PTCRA: variants seen among roughly 807,000 people sequenced by gnomAD.
The protein encoded by PTCRA is pre T cell antigen receptor alpha, also known as pre T-cell antigen receptor alpha.
PTCRA carries 9 observed loss-of-function variants against 13.4 expected under a neutral mutation model. That is an observed-to-expected ratio of 0.67 (90% CI 0.41 to 1.18). The LOEUF (loss-of-function observed/expected upper bound fraction) is 1.18. Ranked by LOEUF, PTCRA falls within the 50% of genes most tolerant of loss-of-function variation. The pLI, the probability that PTCRA is intolerant of heterozygous loss-of-function variation, is 0.01. For synonymous variants in PTCRA, 153 were observed against 161.9 expected (o/e 0.94, Z 0.42); for missense variants, 353 against 359.8 (o/e 0.98, Z 0.15).
In PTCRA at chr6:42,925,214, A is replaced by T; in HGVS notation, c.425-47A>T. ...CCTCTCCGCCGTTCTCTCCTGGGGT[A>T]GGGGGCTGCGGGCTCCTGCGGGCTC... On this transcript the variant is annotated intron_variant, in intron 3 of 3. Coordinates refer to ENST00000304672, the MANE Select transcript of PTCRA (RefSeq NM_138296.3). The surrounding 1 kb of genome is among the most constrained non-coding windows in gnomAD (Gnocchi z 4.4). The T allele has an allele frequency of 2.6e-6, 4 of 1,544,622 alleles. No individual in the cohort carries two copies. Among genetic ancestry groups the T allele is most frequent in the Non-Finnish European group, 3.5e-6 (4 of 1,151,512 alleles).
intron 2 of PTCRA, among the ~76,000 whole-genome samples, chr6:42,923,851 T>C (rs1402363396): frequency 6.6e-6 from 1 of 152,354 alleles, no homozygotes; most frequent in African/African-American, 2.4e-5. Flanking sequence ...AGTCAGCTAT[T>C]ATTATCACTG....
chr6:42,923,394 A>T, intron 2 of PTCRA, 47 bp downstream of exon 2: 1 of 1,559,086 alleles, frequency 6.4e-7, no homozygotes, highest in Non-Finnish European at 8.8e-7. Context: ...GTCCCCTTCC[A>T]CACACCAGGA....
In PTCRA at chr6:42,925,372, T is replaced by TGCCTTCCCCCGCAACCACCACCCGCC; in HGVS notation, c.537_562dup (p.Leu188ArgfsTer116). 6.4e-7 allele frequency: 1 copy of TGCCTTCCCCCGCAACCACCACCCGCC among 1,556,148 alleles called. No individual in the cohort carries two copies. On this transcript the variant is annotated frameshift_variant, in exon 4 of 4. Transcript: ENST00000304672. LOFTEE classifies it low-confidence loss of function (END_TRUNC). This position sits in a 1 kb window ranked among gnomAD's most constrained non-coding sequence, Gnocchi z 4.4. ...TGCCTGTGCGACCCCGCGGGCCCGC[T>TGCCTTCCCCCGCAACCACCACCCGCC]GCCTTCCCCCGCAACCACCACCCGC... is the stretch of plus-strand genomic sequence containing the variant.
intron 1 of PTCRA, among the ~76,000 whole-genome samples, 166 bp from the exon 2 acceptor site, chr6:42,922,861 G>T (rs1767252786): frequency 6.6e-6 from 1 of 152,132 alleles, no homozygotes; most frequent in Non-Finnish European, 1.5e-5. Flanking sequence ...TGGCTAGATG[G>T]GAAAATGCAA....
chr6:42,917,801 C>G (rs1167432271), intron 1 of PTCRA, among the ~76,000 whole-genome samples: 1 of 151,624 alleles, frequency 6.6e-6, no homozygotes, highest in Non-Finnish European at 1.5e-5. Flanking sequence ...TCACCTGACT[C>G]AGCCTCCCAA....
At chr6:42,917,751 C>T (rs1267864327) in intron 1 of PTCRA, among the ~76,000 whole-genome samples, 7 of 143,534 alleles carry the variant, frequency 4.9e-5, no homozygotes, top group African/African-American at 7.8e-5. Flanking sequence ...GGGTTCACCA[C>T]GTTGGCCAGG....
Position 42,925,565 on chromosome 6 carries a change from C to A in PTCRA, c.729C>A (p.Tyr243Ter), listed in dbSNP as rs1490546837. Residue 243 changes from tyrosine (Y) to a stop codon, truncating the protein, a stop_gained, in exon 4 of 4, where the codon TAC becomes TAA. Coordinates refer to ENST00000304672, the MANE Select transcript of PTCRA (RefSeq NM_138296.3). LOFTEE classifies it low-confidence loss of function (END_TRUNC). This position sits in a 1 kb window ranked among gnomAD's most constrained non-coding sequence, Gnocchi z 4.4. ...VWGEGSYLSS[Y>*]PTCPAQAWCS... ...GGGAAGGGTCTTACCTCAGCAGTTA[C>A]CCCACTTGCCCAGCACAGGCCTGGT... is the stretch of plus-strand genomic sequence containing the variant. 4.4e-6 allele frequency: 7 copies of A among 1,599,832 alleles called. No individual in the cohort carries two copies. The highest frequency in any genetic ancestry group is 6.0e-6 in the Non-Finnish European group (7 of 1,172,524).
intron 1 of PTCRA, among the ~76,000 whole-genome samples, chr6:42,917,186 C>T (rs989927046): frequency 2.2e-5 from 3 of 134,186 alleles, no homozygotes; most frequent in Non-Finnish European, 4.7e-5. Flanking sequence ...TTATTAACAG[C>T]ATTATATTAT....
At chr6:42,920,627 G>T (rs1014624837) in intron 1 of PTCRA, among the ~76,000 whole-genome samples, 1 of 151,558 alleles carries the variant, frequency 6.6e-6, no homozygotes, top group Non-Finnish European at 1.5e-5. Flanking sequence ...GGGTTTCACC[G>T]TGTTAGCCAG....
chr6:42,918,255 CA>C lies in PTCRA; in HGVS notation c.58+2141del, dbSNP rs74187597. Among the ~76,000 whole-genome samples, 933 of 123,640 alleles carry C rather than the reference CA, an allele frequency of 7.5e-3. 5 individuals carry two copies. The highest frequency in any genetic ancestry group is 0.021 in the African/African-American group (712 of 33,520). The allele number at this position is 123,640 out of a possible 152,430, so 81.1% of individuals were successfully genotyped here. On this transcript the variant is annotated intron_variant, in intron 1 of 3. Transcript: ENST00000304672. The stretch of plus-strand genomic sequence containing the variant: ...TAGGCGACAGAACCAGAATCAGTCT[CA>C]AAAAAAAAAAAAGCCAGGCATGGGG...
chr6:42,919,075 C>T (rs192846837), intron 1 of PTCRA, among the ~76,000 whole-genome samples: 133 of 149,834 alleles, frequency 8.9e-4, no homozygotes, highest in African/African-American at 2.9e-3. Flanking sequence ...GACAGAGTCC[C>T]GCTCTGTCGC....
chr6:42,923,442 C>T (rs1368608362), intron 2 of PTCRA, 95 bp downstream of exon 2: 2 of 1,234,958 alleles, frequency 1.6e-6, no homozygotes, highest in Non-Finnish European at 2.3e-6. Context: ...GCCACAAAGG[C>T]ATGAAGGGTG....
At chr6:42,924,049 T>C (rs1300215850) in intron 2 of PTCRA, among the ~76,000 whole-genome samples, 180 bp from the exon 3 acceptor site, 1 of 152,190 alleles carries the variant, frequency 6.6e-6, no homozygotes, top group Non-Finnish European at 1.5e-5. Flanking sequence ...TGAGGGATGT[T>C]TGGGTCTTCA....
rs1003893501 is a variant in PTCRA, at chr6:42,925,155, G to A, written c.425-106G>A. On this transcript the variant is annotated intron_variant, in intron 3 of 3. Transcript: ENST00000304672. The surrounding 1 kb of genome is among the most constrained non-coding windows in gnomAD (Gnocchi z 4.4). ...GGGAAGGACTTTCCCTGGAGGAGGG[G>A]GTGAAGGGGACGGGCAAGGGCAGAG... is the stretch of plus-strand genomic sequence containing the variant. 13 of 1,425,420 alleles carry A rather than the reference G, an allele frequency of 9.1e-6. No individual in the cohort carries two copies. In the Admixed American group the frequency reaches 2.1e-4, roughly 23 times the overall value. 88.3% of individuals were successfully genotyped at this position (1,425,420 alleles called of 1,614,324 possible).
rs905804867 is a variant in PTCRA at position 42,925,791 on chromosome 6, G to T, written c.*109G>T. The T allele has an allele frequency of 3.2e-5, 20 of 631,584 alleles. No homozygotes were observed. The highest frequency in any genetic ancestry group is 5.2e-5 in the Non-Finnish European group (20 of 382,322). The allele number at this position is 631,584 out of a possible 1,614,324, so 39.1% of individuals were successfully genotyped here. On this transcript the variant is annotated 3_prime_UTR_variant, in exon 4 of 4. Coordinates refer to ENST00000304672, the MANE Select transcript of PTCRA (RefSeq NM_138296.3). This position sits in a 1 kb window ranked among gnomAD's most constrained non-coding sequence, Gnocchi z 4.4. ...CCACCCAGTTACAGGGGCATTTAGG[G>T]AGCAGATGACTGAGAACATTAAAAA...
At chr6:42,919,600 C>T (rs943350834) in intron 1 of PTCRA, among the ~76,000 whole-genome samples, 5 of 149,548 alleles carry the variant, frequency 3.3e-5, no homozygotes, top group Admixed American at 2.0e-4. Context: ...GCCTGTAGTC[C>T]CTGCTACTGG....
Position 42,925,604 on chromosome 6 carries a change from C to A in PTCRA, c.768C>A (p.Ala256=), listed in dbSNP as rs1039631152. 6.3e-6 allele frequency: 10 copies of A among 1,590,154 alleles called. No individual in the cohort carries two copies. The African/African-American group carries it at 1.2e-4, about 19-fold the overall frequency. Reference sequence around the variant, plus strand: ...CACAGGCCTGGTGCTCAAGATCTGCCCTCAGGGCTCCTTCCTCCAGTCTTG... The same window carrying A: ...CACAGGCCTGGTGCTCAAGATCTGCACTCAGGGCTCCTTCCTCCAGTCTTG... ...CPAQAWCSRS[A]LRAPSSSLGA... Residue 256 remains alanine, a synonymous_variant, in exon 4 of 4, where the codon GCC becomes GCA. Transcript: ENST00000304672. This position sits in a 1 kb window ranked among gnomAD's most constrained non-coding sequence, Gnocchi z 4.4.
In PTCRA at chr6:42,923,197, G is replaced by C. The variant is rs1205019853; in HGVS notation, c.229G>C (p.Gly77Arg). The change falls in exon 2 of 4, where the codon GGC (glycine) becomes CGC (arginine). Residue 77 changes from glycine to arginine, a missense_variant. Physicochemically the swap from Gly to Arg is moderately radical, Grantham distance 125 (BLOSUM62 -2). Coordinates refer to ENST00000304672, the MANE Select transcript of PTCRA (RefSeq NM_138296.3). ...NGSALDAFTY[G>R]PSPATDGTWT... is the part of the protein sequence containing the mutation. ...CAGTGCACTGGATGCCTTCACCTATGGCCCTTCCCCAGCAACGGATGGCAC... is the reference window on the plus strand; with the variant it reads ...CAGTGCACTGGATGCCTTCACCTATCGCCCTTCCCCAGCAACGGATGGCAC... 1.2e-6 allele frequency: 2 copies of C among 1,614,126 alleles called. No individual in the cohort carries two copies. Among genetic ancestry groups the C allele is most frequent in the East Asian group, 4.5e-5 (2 of 44,902 alleles).
intron 1 of PTCRA, among the ~76,000 whole-genome samples, chr6:42,920,007 G>T (rs913476550): frequency 1.1e-4 from 16 of 149,814 alleles, no homozygotes; most frequent in African/African-American, 4.0e-4. Context: ...GGATGACAGA[G>T]CTAGACCCTG....
Sources: allele counts gnomAD v4.1 joint callset (sites outside exome capture counted in the v4.1 genomes callset), GRCh38; gene constraint gnomAD v4.1.1; non-coding constraint Gnocchi (gnomAD v3.1); transcripts MANE v1.5; gene names NCBI Gene and HGNC (gene_info 2026-07-23, HGNC 2026-07-21).